Variants in CSMD3 observed in about 807,000 individuals in gnomAD.
The protein encoded by CSMD3 is CUB and Sushi multiple domains 3, also known as CUB and sushi domain-containing protein 3.
In CSMD3, 177 loss-of-function variants were observed where a neutral mutation model predicts 435.2. The observed-to-expected ratio is 0.41, with a 90% CI of 0.36 to 0.46. The LOEUF (loss-of-function observed/expected upper bound fraction) is 0.46, where lower values mean the gene tolerates loss of function less well. Ranked by LOEUF, CSMD3 falls within the 20% of genes least tolerant of loss-of-function variation. The pLI is 0.34. For synonymous variants in CSMD3, 1,656 were observed against 1,520.5 expected, an observed-to-expected ratio of 1.09 and a Z score of -2.07; for missense variants, 4,265 against 4,504.6, an observed-to-expected ratio of 0.95 and a Z score of 1.52.
intron 4 of CSMD3, among the ~76,000 whole-genome samples, chr8:113,158,078 G>A (rs2091966704): frequency 1.3e-5 from 2 of 150,354 alleles, no homozygotes; most frequent in African/African-American, 4.9e-5. Context: ...AAAATACCCA[G>A]AATAGAAAAA....
At chr8:113,151,663 C>T (rs1357491038) in intron 4 of CSMD3, among the ~76,000 whole-genome samples, 3 of 151,778 alleles carry the variant, frequency 2.0e-5, no homozygotes, top group African/African-American at 7.3e-5. Context: ...GTTTTATAAC[C>T]GACATATTTT....
At chr8:113,036,285 G>A (rs528420118) in intron 5 of CSMD3, among the ~76,000 whole-genome samples, 1 of 152,078 alleles carries the variant, frequency 6.6e-6, no homozygotes, top group South Asian at 2.1e-4. Flanking sequence ...CCTGGAAAGT[G>A]TAATGCCTAA....
At chr8:113,288,283 C>T (rs930993683) in intron 2 of CSMD3, among the ~76,000 whole-genome samples, 2 of 151,614 alleles carry the variant, frequency 1.3e-5, no homozygotes, top group African/African-American at 4.8e-5. Context: ...ACTTTTTCTT[C>T]CTGCAAAAAT....
intron 32 of CSMD3, among the ~76,000 whole-genome samples, chr8:112,446,879 T>C (rs1183481580): frequency 6.6e-6 from 1 of 152,164 alleles, no homozygotes; most frequent in Non-Finnish European, 1.5e-5. Flanking sequence ...GACATTCCCT[T>C]GGGCTAGTTC....
At chr8:113,037,096 C>T (rs7820383) in intron 5 of CSMD3, among the ~76,000 whole-genome samples, 100,470 of 151,930 alleles carry the variant, frequency 0.66, 34,524 homozygotes, top group East Asian at 0.95. Context: ...GGCTGTGAAA[C>T]AGATGTATAT....
At chr8:113,066,089 T>C in intron 5 of CSMD3, among the ~76,000 whole-genome samples, 1 of 147,264 alleles carries the variant, frequency 6.8e-6, no homozygotes, top group African/African-American at 2.5e-5. Flanking sequence ...TGGAAACCCT[T>C]ATTCTTGCTC....
chr8:112,400,975 G>A (rs1229380423), intron 35 of CSMD3, among the ~76,000 whole-genome samples: 1 of 152,132 alleles, frequency 6.6e-6, no homozygotes, highest in Non-Finnish European at 1.5e-5. Context: ...GGGAGGCCGA[G>A]GCAGATAGAT....
chr8:112,810,476 A>G (rs2079195218), intron 12 of CSMD3, among the ~76,000 whole-genome samples: 1 of 152,170 alleles, frequency 6.6e-6, no homozygotes. Context: ...CCAAATATCA[A>G]TATAGAAACA....
intron 2 of CSMD3, among the ~76,000 whole-genome samples, chr8:113,283,507 T>C (rs113915524): frequency 5.9e-5 from 9 of 152,032 alleles, no homozygotes; most frequent in African/African-American, 2.2e-4. Context: ...ATCAGGGAAA[T>C]GCAAATCAAA....
At chr8:113,100,455 G>A (rs1482415955) in intron 4 of CSMD3, among the ~76,000 whole-genome samples, 4 of 151,954 alleles carry the variant, frequency 2.6e-5, no homozygotes, top group Non-Finnish European at 5.9e-5. Context: ...ATTGAATACT[G>A]CTTTGATAAT....
At position 112,552,591 on chromosome 8, in the gene CSMD3, T is replaced by C. The variant is rs765067228; in HGVS notation, c.4361+3A>G. On this transcript the variant is annotated splice_donor_region_variant and intron_variant, in intron 26 of 70. Coordinates refer to ENST00000297405, the MANE Select transcript of CSMD3 (RefSeq NM_198123.2). ...TAATGTTGAGAAAATGAAATTCATT[T>C]ACCTGACAATATTTCCAGGATCTAC... is the stretch of plus-strand genomic sequence containing the variant. The C allele has an allele frequency of 1.2e-6, 2 of 1,611,400 alleles. No individual in the cohort carries two copies. Among genetic ancestry groups the C allele is most frequent in the Admixed American group, 1.7e-5 (1 of 59,796 alleles).
At chr8:113,065,167 A>G (rs1463860723) in intron 5 of CSMD3, among the ~76,000 whole-genome samples, 1 of 152,190 alleles carries the variant, frequency 6.6e-6, no homozygotes, top group Non-Finnish European at 1.5e-5. Flanking sequence ...ACTAACCTAT[A>G]TTATTTTGCA....
intron 56 of CSMD3, 89 bp from the exon 57 acceptor site, chr8:112,289,627 A>G: frequency 1.2e-6 from 1 of 856,780 alleles, no homozygotes; most frequent in Non-Finnish European, 1.8e-6. Flanking sequence ...TACCAGAAGT[A>G]AATGTTCTGC....
intron 22 of CSMD3, among the ~76,000 whole-genome samples, chr8:112,623,185 C>T (rs1466788917): frequency 1.3e-5 from 2 of 152,074 alleles, no homozygotes; most frequent in Non-Finnish European, 2.9e-5. Context: ...ATTGACTATA[C>T]CTACAGTTGA....
chr8:112,905,471 T>C (rs1157246681), intron 10 of CSMD3, among the ~76,000 whole-genome samples: 2 of 151,292 alleles, frequency 1.3e-5, no homozygotes, highest in East Asian at 3.9e-4. Flanking sequence ...TGGAATATCT[T>C]TTTAAGGTTG....
chr8:112,839,767 C>G (rs1329563653), intron 11 of CSMD3, among the ~76,000 whole-genome samples: 2 of 151,432 alleles, frequency 1.3e-5, no homozygotes, highest in African/African-American at 4.8e-5. Flanking sequence ...AAAACTTTGA[C>G]TCCAGACTTT....
At chr8:112,865,301 C>T (rs1157032575) in intron 10 of CSMD3, among the ~76,000 whole-genome samples, 1 of 152,112 alleles carries the variant, frequency 6.6e-6, no homozygotes, top group East Asian at 1.9e-4. Flanking sequence ...ACATGATTCA[C>T]AGGTTAAGGA....
intron 17 of CSMD3, among the ~76,000 whole-genome samples, chr8:112,656,729 AAC>A (rs894633681): frequency 2.6e-5 from 4 of 152,288 alleles, no homozygotes; most frequent in African/African-American, 9.6e-5. Context: ...TCATCTTAAT[AAC>A]ACACACATTT....
Position 113,351,431 on chromosome 8 carries a change from T to C in CSMD3, c.179-36638A>G, listed in dbSNP as rs2094189700. ...TAAAATAGATAATTCTAAACTGTTA[T>C]TTAATGATACTAAGGAATAATGAAA... On this transcript the variant is annotated intron_variant, in intron 1 of 70. Coordinates refer to ENST00000297405, the MANE Select transcript of CSMD3 (RefSeq NM_198123.2). 3.3e-5 allele frequency among the ~76,000 whole-genome samples: 5 copies of C among 152,152 alleles called. No homozygotes were observed. In the South Asian group the frequency reaches 1.0e-3, roughly 32 times the overall value.
Sources: allele counts gnomAD v4.1 joint callset (sites outside exome capture counted in the v4.1 genomes callset), GRCh38; gene constraint gnomAD v4.1.1; transcripts MANE v1.5; gene names NCBI Gene and HGNC (gene_info 2026-07-23, HGNC 2026-07-21).